Variants in FMR1 observed in about 807,000 individuals in gnomAD.
The protein encoded by FMR1 is FMRP translational regulator 1.
FMR1 carries 13 observed loss-of-function variants against 50.6 expected under a neutral mutation model. That is an observed-to-expected ratio of 0.26 (90% confidence interval 0.17 to 0.41). The LOEUF is 0.41. FMR1 is among the 10% of genes least tolerant of loss of function. FMR1 has a pLI of 1.00. For missense variants in FMR1, 316 were observed against 491.3 expected (o/e 0.64, Z 3.37); for synonymous variants, 138 against 164.1 (o/e 0.84, Z 1.22).
At chrX:147,945,419 A>G (rs2044140551) in intron 15 of FMR1, 115 bp from the exon 16 acceptor site, 2 of 577,690 alleles carry the variant, frequency 3.5e-6, no homozygotes, top group African/African-American at 4.4e-5. Flanking sequence ...TCACTGGGGT[A>G]TTGATTACAT....
At position 147,925,702 on chromosome X, in the gene FMR1, T is replaced by A. The variant is rs25731; in HGVS notation, c.198+69T>A. The A allele has an allele frequency of 0.097, 68,246 of 702,548 alleles. 5,214 individuals carry two copies. The highest frequency in any genetic ancestry group is 0.53 in the East Asian group (16,300 of 30,573). 57.9% of individuals were successfully genotyped at this position (702,548 alleles called of 1,213,427 possible). A position where few individuals can be genotyped will look rare whatever the true frequency, so the allele number is the denominator to read the frequency against. ...GGGTTAATTTATCTGTGTTTTTTTT[T>A]AATACTTTGTCTTTAACACTGTTTA... On this transcript the variant is annotated intron_variant, in intron 3 of 16. Transcript: ENST00000370475.
chrX:147,927,079 A>G (rs2043418407), intron 3 of FMR1, among the ~76,000 whole-genome samples: 1 of 111,951 alleles, frequency 8.9e-6, no homozygotes, highest in Admixed American at 9.5e-5. Context: ...ACCAATCTCT[A>G]CTAGGTGTAA....
chrX:147,949,383 G>C lies in FMR1; in HGVS notation c.*539G>C, dbSNP rs782767543. On this transcript the variant is annotated 3_prime_UTR_variant, in exon 17 of 17. Transcript: ENST00000370475. Reference sequence around the variant, plus strand: ...TTTTCATTAGCAAAAAAAGTTGTATGATCTGTGCCTTTTTTATATCTTGGC... The same window carrying C: ...TTTTCATTAGCAAAAAAAGTTGTATCATCTGTGCCTTTTTTATATCTTGGC... The C allele has an allele frequency of 9.2e-6, 3 of 327,231 alleles. No individual in the cohort carries two copies. Among genetic ancestry groups the C allele is most frequent in the East Asian group, 9.8e-5 (1 of 10,225 alleles). 27.0% of individuals were successfully genotyped at this position (327,231 alleles called of 1,213,427 possible).
intron 9 of FMR1, among the ~76,000 whole-genome samples, chrX:147,935,846 A>C (rs781820595): frequency 8.9e-6 from 1 of 112,228 alleles, no homozygotes; most frequent in Non-Finnish European, 1.9e-5. Flanking sequence ...CTCTGTGACT[A>C]ATCCCTTCAC....
chrX:147,950,393 G>A lies in FMR1; in HGVS notation c.*1549G>A, dbSNP rs1557183385. The A allele has an allele frequency of 6.1e-6, 2 of 328,971 alleles. No individual in the cohort carries two copies. Among genetic ancestry groups the A allele is most frequent in the Admixed American group, 6.2e-5 (2 of 32,193 alleles). 27.1% of individuals were successfully genotyped at this position (328,971 alleles called of 1,213,427 possible). A position where few individuals can be genotyped will look rare whatever the true frequency, so the allele number is the denominator to read the frequency against. On this transcript the variant is annotated 3_prime_UTR_variant, in exon 17 of 17. Coordinates refer to ENST00000370475, the MANE Select transcript of FMR1 (RefSeq NM_002024.6). The stretch of plus-strand genomic sequence containing the variant: ...TGTTGATTTCTAGTTATTTATTCTG[G>A]GAATGTATAGTATTTGAAAACAGAA...
At chrX:147,939,299 C>T (rs1422269324) in intron 12 of FMR1, among the ~76,000 whole-genome samples, 1 of 109,715 alleles carries the variant, frequency 9.1e-6, no homozygotes, top group African/African-American at 3.3e-5. Context: ...GCTAGGAGTA[C>T]AGACATTTAG....
At chrX:147,930,507 A>T (rs1171722339) in intron 7 of FMR1, among the ~76,000 whole-genome samples, 1 of 112,058 alleles carries the variant, frequency 8.9e-6, no homozygotes, top group African/African-American at 3.2e-5. Flanking sequence ...TGCTAATAAA[A>T]TGCGGCAATG....
chrX:147,924,511 A>AT (rs1349984355), intron 2 of FMR1, among the ~76,000 whole-genome samples: 1,257 of 45,006 alleles, frequency 0.028, 36 homozygotes, highest in African/African-American at 0.076. Flanking sequence ...CTATATATAT[A>AT]TATATTTTTT....
chrX:147,912,292 T>C, intron 1 of FMR1, 62 bp downstream of exon 1: 1 of 1,068,838 alleles, frequency 9.4e-7, no homozygotes, highest in Non-Finnish European at 1.3e-6. Flanking sequence ...CTTCTTGGTG[T>C]CGGCGGGAGG....
At chrX:147,914,082 T>C (rs2042730886) in intron 1 of FMR1, 1 of 112,432 alleles carries the variant, frequency 8.9e-6, no homozygotes, top group African/African-American at 3.2e-5. Flanking sequence ...GACTGGAATA[T>C]AAGAAATGCC....
At chrX:147,932,984 G>A (rs2124522759) in intron 9 of FMR1, among the ~76,000 whole-genome samples, 1 of 108,638 alleles carries the variant, frequency 9.2e-6, no homozygotes, top group South Asian at 4.1e-4. Context: ...ACATGCTGGT[G>A]CGCTGCACCC....
At chrX:147,938,061 A>G in intron 11 of FMR1, 38 bp from the exon 12 acceptor site, 1 of 1,078,765 alleles carries the variant, frequency 9.3e-7, no homozygotes, top group Non-Finnish European at 1.3e-6. Flanking sequence ...CGTTTGTTAT[A>G]GTTAATGACA....
At chrX:147,922,910 T>G (rs1252551165) in intron 2 of FMR1, among the ~76,000 whole-genome samples, 1 of 111,631 alleles carries the variant, frequency 9.0e-6, no homozygotes, top group African/African-American at 3.3e-5. Flanking sequence ...GTTGTAAAAT[T>G]GACTGGTAAT....
intron 5 of FMR1, among the ~76,000 whole-genome samples, chrX:147,929,108 TCAAA>T (rs1332084083): frequency 1.8e-5 from 2 of 112,154 alleles, no homozygotes; most frequent in Non-Finnish European, 3.8e-5. Flanking sequence ...TAAAAACTGA[TCAAA>T]CAAATGTGAT....
intron 1 of FMR1, chrX:147,913,058 T>TA (rs2042672966): frequency 5.1e-6 from 1 of 197,127 alleles, no homozygotes; most frequent in African/African-American, 3.0e-5. Flanking sequence ...AAGACCTAAA[T>TA]ATATGCCATG....
rs1164247774 is a variant in FMR1 at position 147,932,902 on chromosome X, CT to C, written c.880+148del. The C allele has an allele frequency of 3.7e-4, 170 of 465,149 alleles. 1 individual carries two copies. The highest frequency in any genetic ancestry group is 2.3e-3 in the East Asian group (60 of 25,991). The allele number at this position is 465,149 out of a possible 1,213,427, so 38.3% of individuals were successfully genotyped here. On this transcript the variant is annotated intron_variant, in intron 9 of 16. Transcript: ENST00000370475. ...CATAGTCTTTGAAATATGATCTGTT[CT>C]TTTTTTTTATTATTTAAGTTTTAGG...
At chrX:147,918,607 C>T (rs2043007228) in intron 1 of FMR1, among the ~76,000 whole-genome samples, 1 of 76,375 alleles carries the variant, frequency 1.3e-5, no homozygotes, top group African/African-American at 5.3e-5. Context: ...TGCAGATCTT[C>T]CTCCTTTGAG....
At chrX:147,919,680 C>T (rs2043060952) in intron 1 of FMR1, among the ~76,000 whole-genome samples, 1 of 111,975 alleles carries the variant, frequency 8.9e-6, no homozygotes, top group South Asian at 3.7e-4. Flanking sequence ...CATTATAGTC[C>T]ACCTTGATCT....
intron 11 of FMR1, among the ~76,000 whole-genome samples, chrX:147,937,860 A>T (rs1557179970): frequency 4.5e-5 from 5 of 111,484 alleles, no homozygotes. Context: ...TTGACAGTGG[A>T]CTCTCTTTTT....
Sources: allele counts gnomAD v4.1 joint callset (sites outside exome capture counted in the v4.1 genomes callset), GRCh38; gene constraint gnomAD v4.1.1; transcripts MANE v1.5; gene names NCBI Gene and HGNC (gene_info 2026-07-23, HGNC 2026-07-21).